UBR2: variants seen among roughly 807,000 people sequenced by gnomAD.
UBR2 encodes the protein E3 ubiquitin-protein ligase UBR2.
Under a neutral mutation model 247.9 loss-of-function variants are expected in UBR2, and 92 were observed. The ratio of observed to expected loss-of-function variants is 0.37; its 90% CI spans 0.31 to 0.44. The LOEUF (loss-of-function observed/expected upper bound fraction) is 0.44, where lower values mean the gene tolerates loss of function less well. Among genes scored for constraint, UBR2 ranks in the 20% least tolerant of loss-of-function variants. The pLI, the probability that UBR2 is intolerant of heterozygous loss-of-function variation, is 1.00. For synonymous variants in UBR2, 672 were observed against 693.5 expected, an observed-to-expected ratio of 0.97 and a Z score of 0.49; for missense variants, 1,613 against 2,112.6, an observed-to-expected ratio of 0.76 and a Z score of 4.64.
intron 2 of UBR2, among the ~76,000 whole-genome samples, chr6:42,574,946 G>C (rs971344917): frequency 6.6e-6 from 1 of 151,690 alleles, no homozygotes; most frequent in Admixed American, 6.6e-5. Context: ...TGATCCACCT[G>C]CCTTGGCCTC....
At chr6:42,665,692 A>C (rs1209684769) in intron 33 of UBR2, among the ~76,000 whole-genome samples, 180 bp downstream of exon 33, 3 of 152,138 alleles carry the variant, frequency 2.0e-5, no homozygotes, top group African/African-American at 7.2e-5. Context: ...CCTTAAACAC[A>C]CAAGCTCATG....
intron 13 of UBR2, among the ~76,000 whole-genome samples, chr6:42,634,517 C>T (rs574039330): frequency 1.1e-4 from 17 of 152,292 alleles, no homozygotes; most frequent in South Asian, 4.1e-4. Flanking sequence ...TGCAGTGGCG[C>T]GATCTTGGCT....
chr6:42,637,891 G>A (rs761199316), intron 15 of UBR2, among the ~76,000 whole-genome samples: 8 of 152,084 alleles, frequency 5.3e-5, no homozygotes, highest in Non-Finnish European at 1.2e-4. Context: ...TTTCTTGCTC[G>A]CACACTGTTG....
rs560908598 is a variant in UBR2 at position 42,567,684 on chromosome 6, G to A, written c.78+3287G>A. 1.4e-4 allele frequency among the ~76,000 whole-genome samples: 22 copies of A among 152,196 alleles called. No individual in the cohort carries two copies. In the South Asian group the frequency reaches 3.7e-3, roughly 26 times the overall value. On this transcript the variant is annotated intron_variant, in intron 1 of 46. Transcript: ENST00000372901. The stretch of plus-strand genomic sequence containing the variant: ...GCTGGGGTTGCAGTGAGCCGAGATC[G>A]CGCCACTGCACTCCAGCCTGGGTGA...
chr6:42,612,285 T>A lies in UBR2; in HGVS notation c.979T>A (p.Tyr327Asn). The change falls in exon 8 of 47, where the codon TAT (tyrosine) becomes AAT (asparagine). Residue 327 changes from tyrosine (Y) to asparagine (N), a missense_variant. Around this residue, in one of 3 missense-constraint regions of UBR2, gnomAD observed 1,524 missense variants for 1,967.3 expected, o/e 0.77. Coordinates refer to ENST00000372901, the MANE Select transcript of UBR2 (RefSeq NM_001363705.2). ...GTCTTGGCTGGGAAGTATTATTGGA[T>A]ATTCAGGTAGGTTCATAAAAGTTCA... ...LLSWLGSIIG[Y>N]SDGLRRILCQ... is the part of the protein sequence containing the mutation. The A allele has an allele frequency of 6.6e-7, 1 of 1,509,634 alleles. No homozygotes were observed. The highest frequency in any genetic ancestry group is 9.0e-7 in the Non-Finnish European group (1 of 1,108,178). The allele number at this position is 1,509,634 out of a possible 1,614,324, so 93.5% of individuals were successfully genotyped here. A position where few individuals can be genotyped will look rare whatever the true frequency, so the allele number is the denominator to read the frequency against.
chr6:42,658,455 A>C, intron 28 of UBR2, 135 bp downstream of exon 28: 1 of 1,112,126 alleles, frequency 9.0e-7, no homozygotes, highest in Non-Finnish European at 1.3e-6. Flanking sequence ...ATTTATCTCT[A>C]TTTGTTGTAG....
chr6:42,613,143 C>G (rs1794199115), intron 8 of UBR2, among the ~76,000 whole-genome samples: 1 of 151,852 alleles, frequency 6.6e-6, no homozygotes. Flanking sequence ...GGTCATTTTT[C>G]TCTTTATGTA....
chr6:42,668,370 T>G (rs1267454719), intron 34 of UBR2, among the ~76,000 whole-genome samples: 1 of 152,222 alleles, frequency 6.6e-6, no homozygotes, highest in Admixed American at 6.5e-5. Context: ...TTTATCTAGA[T>G]TTTGAAGGCA....
chr6:42,586,185 C>T (rs533535445), intron 2 of UBR2, among the ~76,000 whole-genome samples: 3 of 151,130 alleles, frequency 2.0e-5, no homozygotes, highest in Non-Finnish European at 4.4e-5. Flanking sequence ...GGCAACATGT[C>T]GAAACCCCAT....
chr6:42,657,604 A>G (rs1797516997), intron 26 of UBR2, among the ~76,000 whole-genome samples: 1 of 152,252 alleles, frequency 6.6e-6, no homozygotes, highest in Non-Finnish European at 1.5e-5. Context: ...AATTCCTAGG[A>G]GAAGAAATTC....
At chr6:42,587,821 C>T (rs1792392062) in intron 2 of UBR2, among the ~76,000 whole-genome samples, 2 of 152,126 alleles carry the variant, frequency 1.3e-5, no homozygotes, top group African/African-American at 4.8e-5. Context: ...GGCCATACCA[C>T]CCTGAATGTG....
rs751370444 is a variant in UBR2, at chr6:42,641,654, G to A, written c.1993G>A (p.Gly665Arg). The change falls in exon 17 of 47, where the codon GGA (glycine) becomes AGA (arginine). Residue 665 changes from glycine to arginine, a missense_variant. Gly to Arg is a moderately radical substitution (Grantham distance 125). Around this residue, in one of 3 missense-constraint regions of UBR2, gnomAD observed 1,524 missense variants for 1,967.3 expected, o/e 0.77. Transcript: ENST00000372901. ...CLVLCAQVHAGMWRRNGFSLV... is the reference protein window; with the variant it reads ...CLVLCAQVHARMWRRNGFSLV... ...TGTTCTGTGTGCCCAAGTACATGCC[G>A]GAATGTGGAGAAGAAATGGGTTCTC... The A allele has an allele frequency of 1.4e-5, 23 of 1,608,908 alleles. No homozygotes were observed. Among genetic ancestry groups the A allele is most frequent in the Non-Finnish European group, 1.9e-5 (22 of 1,178,268 alleles).
At chr6:42,646,840 GAGAT>G (rs1274892581) in intron 21 of UBR2, among the ~76,000 whole-genome samples, 5 of 149,646 alleles carry the variant, frequency 3.3e-5, no homozygotes, top group Non-Finnish European at 7.4e-5. Flanking sequence ...GAGAGAGAGA[GAGAT>G]AGAGTCTGGC....
Position 42,689,418 on chromosome 6 carries a change from T to C in UBR2, c.5025-151T>C, listed in dbSNP as rs1326377356. 8 of 762,050 alleles carry C rather than the reference T, an allele frequency of 1.0e-5. No individual in the cohort carries two copies. The highest frequency in any genetic ancestry group is 1.8e-5 in the Non-Finnish European group (8 of 450,416). 47.2% of individuals were successfully genotyped at this position (762,050 alleles called of 1,614,324 possible). The stretch of plus-strand genomic sequence containing the variant: ...CACAAATTTGACTCGATTCAACCTA[T>C]TTCCTAGTTTGTGCACAATTTTTTA... On this transcript the variant is annotated intron_variant, in intron 45 of 46. Coordinates refer to ENST00000372901, the MANE Select transcript of UBR2 (RefSeq NM_001363705.2). This position sits in a 1 kb window ranked among gnomAD's most constrained non-coding sequence, Gnocchi z 4.0.
chr6:42,609,895 C>CA (rs111670532), intron 7 of UBR2, among the ~76,000 whole-genome samples: 1,426 of 64,624 alleles, frequency 0.022, 16 homozygotes, highest in Admixed American at 0.073. Context: ...AACCCTGTTA[C>CA]AAAAAAAAAA....
Position 42,645,517 on chromosome 6 carries a change from A to G in UBR2, c.2336A>G (p.Lys779Arg). 6.2e-7 allele frequency: 1 copy of G among 1,613,942 alleles called. No individual in the cohort carries two copies. The highest frequency in any genetic ancestry group is 8.5e-7 in the Non-Finnish European group (1 of 1,179,838). The change falls in exon 21 of 47, where the codon AAG (lysine) becomes AGG (arginine). Residue 779 changes from lysine (K) to arginine (R), a missense_variant. Lys to Arg is a conservative substitution (Grantham distance 26). Coordinates refer to ENST00000372901, the MANE Select transcript of UBR2 (RefSeq NM_001363705.2). Reference protein sequence around the residue: ...VGQVNATDEIKREIIHQLSIK... With the variant: ...VGQVNATDEIRREIIHQLSIK... ...CAGGTAAATGCTACAGATGAAATCAAGCGAGAGATTATCCATCAGTTGAGT... is the reference window on the plus strand; with the variant it reads ...CAGGTAAATGCTACAGATGAAATCAGGCGAGAGATTATCCATCAGTTGAGT...
intron 38 of UBR2, among the ~76,000 whole-genome samples, chr6:42,674,401 C>T (rs1798603160): frequency 6.6e-6 from 1 of 152,182 alleles, no homozygotes; most frequent in South Asian, 2.1e-4. Flanking sequence ...TCCTCTGACT[C>T]TTATTTTGCT....
intron 10 of UBR2, among the ~76,000 whole-genome samples, chr6:42,616,675 T>A (rs1794574962): frequency 6.6e-6 from 1 of 151,896 alleles, no homozygotes; most frequent in African/African-American, 2.4e-5. Flanking sequence ...GAACTCTAGG[T>A]TATTAATATA....
At position 42,614,228 on chromosome 6, in the gene UBR2, ACACACACACACACACACG is replaced by A. The variant is rs1179381070; in HGVS notation, c.986-841_986-824del. On this transcript the variant is annotated intron_variant, in intron 8 of 46. Transcript: ENST00000372901. The stretch of plus-strand genomic sequence containing the variant: ...AAACTATATATATATACACACACAC[ACACACACACACACACACG>A]CGCGCACATATATATACACACACAC... Among the ~76,000 whole-genome samples the A allele has an allele frequency of 1.2e-4, 11 of 94,002 alleles. No homozygotes were observed. The East Asian group carries it at 2.5e-3, about 22-fold the overall frequency. 61.7% of individuals were successfully genotyped at this position (94,002 alleles called of 152,430 possible). A position where few individuals can be genotyped will look rare whatever the true frequency, so the allele number is the denominator to read the frequency against.
Sources: allele counts gnomAD v4.1 joint callset (sites outside exome capture counted in the v4.1 genomes callset), GRCh38; gene constraint gnomAD v4.1.1; regional missense constraint gnomAD v4.1.1; non-coding constraint Gnocchi (gnomAD v3.1); transcripts MANE v1.5; gene names NCBI Gene and HGNC (gene_info 2026-07-23, HGNC 2026-07-21).